GALNT13: variants seen among roughly 807,000 people sequenced by gnomAD.
GALNT13 encodes UDP-GalNAc:polypeptide N-acetylgalactosaminyltransferase 13.
A neutral mutation model predicts 64.2 loss-of-function variants in GALNT13; 28 were observed. The ratio of observed to expected loss-of-function variants is 0.44; its 90% confidence interval spans 0.32 to 0.60. The LOEUF (loss-of-function observed/expected upper bound fraction) is 0.60. Ranked by LOEUF, GALNT13 falls within the 20% of genes least tolerant of loss-of-function variation. GALNT13 has a pLI of 0.05. For missense variants in GALNT13, 577 were observed against 669.8 expected, an observed-to-expected ratio of 0.86 and a Z score of 1.53; for synonymous variants, 214 against 224.6, an observed-to-expected ratio of 0.95 and a Z score of 0.42.
chr2:154,316,498 C>T (rs1694325551), intron 9 of GALNT13, among the ~76,000 whole-genome samples: 1 of 152,098 alleles, frequency 6.6e-6, no homozygotes, highest in South Asian at 2.1e-4. Context: ...TCAAATATAA[C>T]TAAATATAAA....
At chr2:153,937,887 T>C (rs979033592) in intron 2 of GALNT13, among the ~76,000 whole-genome samples, 1 of 152,210 alleles carries the variant, frequency 6.6e-6, no homozygotes, top group Non-Finnish European at 1.5e-5. Context: ...CCTTATCACA[T>C]GAGGTTTCCA....
chr2:154,369,337 A>G (rs1054740323), intron 9 of GALNT13, among the ~76,000 whole-genome samples: 4 of 152,090 alleles, frequency 2.6e-5, no homozygotes, highest in Admixed American at 6.6e-5. Context: ...AGAAGCTTCA[A>G]TTTTCTTGAC....
chr2:153,430,506 T>C, the GALNT13 span, among the ~76,000 whole-genome samples: 1 of 144,234 alleles, frequency 6.9e-6, no homozygotes, highest in Non-Finnish European at 1.5e-5. Flanking sequence ...AAATGATAGG[T>C]ATTAATAGAT....
intron 6 of GALNT13, among the ~76,000 whole-genome samples, chr2:154,243,826 A>C (rs937148687): frequency 3.3e-5 from 5 of 152,222 alleles, no homozygotes; most frequent in South Asian, 2.1e-4. Context: ...TTAATTAGAC[A>C]CTCAAGATAG....
At chr2:153,116,471 T>C in the GALNT13 span, among the ~76,000 whole-genome samples, 1 of 152,140 alleles carries the variant, frequency 6.6e-6, no homozygotes, top group Non-Finnish European at 1.5e-5. Flanking sequence ...GATTTTCATA[T>C]AGAAATAGGA....
chr2:153,098,291 C>G, the GALNT13 span, among the ~76,000 whole-genome samples: 1 of 152,124 alleles, frequency 6.6e-6, no homozygotes, highest in African/African-American at 2.4e-5. Context: ...CTTATCATAA[C>G]TGTTTGTGGA....
chr2:153,571,743 T>C, the GALNT13 span, among the ~76,000 whole-genome samples: 1 of 152,078 alleles, frequency 6.6e-6, no homozygotes, highest in Non-Finnish European at 1.5e-5. Flanking sequence ...ATATGATGTA[T>C]CACTTTGACT....
At chr2:153,473,645 C>T in the GALNT13 span, among the ~76,000 whole-genome samples, 1 of 152,272 alleles carries the variant, frequency 6.6e-6, no homozygotes, top group African/African-American at 2.4e-5. Flanking sequence ...CTTGCTGCTT[C>T]CACAGGCTTT....
Position 154,014,912 on chromosome 2 carries a change from G to A in GALNT13, c.142+70273G>A, listed in dbSNP as rs142587490. Reference sequence around the variant, plus strand: ...TCCCAAAGTGCTGGGATTTATAGGCGTGAGCCACCGCGCCCAGCCTCTGAT... The same window carrying A: ...TCCCAAAGTGCTGGGATTTATAGGCATGAGCCACCGCGCCCAGCCTCTGAT... On this transcript the variant is annotated intron_variant, in intron 3 of 12. Transcript: ENST00000392825. 7.7e-3 allele frequency among the ~76,000 whole-genome samples: 1,165 copies of A among 152,104 alleles called. 15 individuals carry two copies. Among genetic ancestry groups the A allele is most frequent in the African/African-American group, 0.027 (1,105 of 41,512 alleles).
At chr2:154,288,043 T>C (rs1692376310) in intron 8 of GALNT13, among the ~76,000 whole-genome samples, 2 of 152,074 alleles carry the variant, frequency 1.3e-5, no homozygotes, top group South Asian at 4.1e-4. Context: ...TACCCAAGAC[T>C]GGGTAATTTA....
At chr2:153,222,343 G>GGGGGGGGGGGGGGGGGGGGGGGGGGGGGT in the GALNT13 span, among the ~76,000 whole-genome samples, 1 of 103,788 alleles carries the variant, frequency 9.6e-6, no homozygotes, top group Non-Finnish European at 2.2e-5. Flanking sequence ...GGGGGGGGGG[G>GGGGGGGGGGGGGGGGGGGGGGGGGGGGGT]TTGGGCTTAT....
rs1468957841 is a variant in GALNT13, at chr2:154,094,605, C to T, written c.143-45732C>T. 3.3e-5 allele frequency among the ~76,000 whole-genome samples: 5 copies of T among 151,854 alleles called. 1 individual carries two copies. Among genetic ancestry groups the T allele is most frequent in the Non-Finnish European group, 7.4e-5 (5 of 67,918 alleles). On this transcript the variant is annotated intron_variant, in intron 3 of 12. Transcript: ENST00000392825. ...ATATTCAATATTCTAATTAATCAATCCTCCTCTTTTTCTATTTTTGTCTCC... is the reference window on the plus strand; with the variant it reads ...ATATTCAATATTCTAATTAATCAATTCTCCTCTTTTTCTATTTTTGTCTCC...
At chr2:154,263,653 C>A (rs1690822011) in intron 8 of GALNT13, among the ~76,000 whole-genome samples, 1 of 152,020 alleles carries the variant, frequency 6.6e-6, no homozygotes, top group African/African-American at 2.4e-5. Flanking sequence ...AAACCACACA[C>A]AAAAAAATAC....
At chr2:154,185,657 C>A (rs1165070141) in intron 4 of GALNT13, among the ~76,000 whole-genome samples, 1 of 151,788 alleles carries the variant, frequency 6.6e-6, no homozygotes. Flanking sequence ...TTTTTCAGTT[C>A]AGACATTATA....
chr2:153,928,590 A>G (rs1487212261), intron 2 of GALNT13, among the ~76,000 whole-genome samples: 2 of 152,144 alleles, frequency 1.3e-5, no homozygotes, highest in Non-Finnish European at 2.9e-5. Context: ...ATGAACACTG[A>G]GCAGTCATTA....
At chr2:153,617,063 T>C in the GALNT13 span, among the ~76,000 whole-genome samples, 1 of 152,122 alleles carries the variant, frequency 6.6e-6, no homozygotes, top group South Asian at 2.1e-4. Flanking sequence ...CTTATCTTTC[T>C]CTTTTCTGAT....
chr2:154,126,463 G>A (rs1198371199), intron 3 of GALNT13, among the ~76,000 whole-genome samples: 5 of 151,874 alleles, frequency 3.3e-5, no homozygotes, highest in African/African-American at 4.8e-5. Flanking sequence ...GTGAAACCCC[G>A]TCTCTACTAA....
the GALNT13 span, among the ~76,000 whole-genome samples, chr2:153,656,123 A>C: frequency 3.3e-5 from 5 of 152,150 alleles, no homozygotes; most frequent in Non-Finnish European, 7.4e-5. Context: ...TCTAATTTTA[A>C]AATGCTGTCA....
chr2:154,450,789 C>T lies in GALNT13; in HGVS notation c.*238C>T, dbSNP rs897884003. 33 of 367,756 alleles carry T rather than the reference C, an allele frequency of 9.0e-5. No homozygotes were observed. Among genetic ancestry groups the T allele is most frequent in the South Asian group, 5.4e-4 (7 of 13,030 alleles). The allele number at this position is 367,756 out of a possible 1,614,324, so 22.8% of individuals were successfully genotyped here. On this transcript the variant is annotated 3_prime_UTR_variant, in exon 13 of 13. Transcript: ENST00000392825. ...AAACTACTATTAAACAACAGAACAACTTGTAAAACAAATTGTGTTTGCTTT... is the reference window on the plus strand; with the variant it reads ...AAACTACTATTAAACAACAGAACAATTTGTAAAACAAATTGTGTTTGCTTT...
Sources: allele counts gnomAD v4.1 joint callset (sites outside exome capture counted in the v4.1 genomes callset), GRCh38; gene constraint gnomAD v4.1.1; transcripts MANE v1.5; gene names NCBI Gene and HGNC (gene_info 2026-07-23, HGNC 2026-07-21).